Variants in NEFH observed in about 807,000 individuals in gnomAD.
NEFH encodes the protein neurofilament heavy chain, also known as neurofilament heavy polypeptide.
Under a neutral mutation model 56.6 loss-of-function variants are expected in NEFH, and 58 were observed. The ratio of observed to expected loss-of-function variants is 1.03; its 90% CI spans 0.83 to 1.28. The LOEUF (loss-of-function observed/expected upper bound fraction) is 1.28. NEFH is among the 50% of genes most tolerant of loss of function. The pLI is 0.00. For synonymous variants in NEFH, 542 were observed against 545.8 expected (o/e 0.99, Z 0.10); for missense variants, 1,221 against 1,307.6 (o/e 0.93, Z 1.02).
At chr22:29,488,242 T>C (rs956995883) in intron 3 of NEFH, among the ~76,000 whole-genome samples, 7 of 152,270 alleles carry the variant, frequency 4.6e-5, no homozygotes, top group Admixed American at 4.6e-4. Context: ...CGTGCGCCTG[T>C]ACTCCCAGCT....
chr22:29,486,802 C>A (rs537125677), intron 3 of NEFH, among the ~76,000 whole-genome samples: 100 of 152,130 alleles, frequency 6.6e-4, no homozygotes, highest in Admixed American at 1.1e-3. Context: ...GGATTACAGG[C>A]GTGAGCCACT....
At position 29,485,714 on chromosome 22, in the gene NEFH, C is replaced by G; in HGVS notation, c.1084-9C>G. On this transcript the variant is annotated splice_polypyrimidine_tract_variant and intron_variant, in intron 2 of 3. Coordinates refer to ENST00000310624, the MANE Select transcript of NEFH (RefSeq NM_021076.4). Reference sequence around the variant, plus strand: ...CTGGCATGTGATGTGTGTCACCTCTCCTTCCCAGGAAGCCATTCAGCAGCT... The same window carrying G: ...CTGGCATGTGATGTGTGTCACCTCTGCTTCCCAGGAAGCCATTCAGCAGCT... The G allele has an allele frequency of 5.0e-6, 8 of 1,613,528 alleles. No individual in the cohort carries two copies. Among genetic ancestry groups the G allele is most frequent in the East Asian group, 2.2e-5 (1 of 44,868 alleles).
At chr22:29,482,497 C>T (rs990783303) in intron 1 of NEFH, among the ~76,000 whole-genome samples, 1 of 152,226 alleles carries the variant, frequency 6.6e-6, no homozygotes, top group South Asian at 2.1e-4. Context: ...GGGCAATGCT[C>T]AGCTAGGTGG....
Position 29,481,162 on chromosome 22 carries a change from G to T in NEFH, c.883+17G>T, listed in dbSNP as rs373762683. 2.6e-6 allele frequency: 4 copies of T among 1,528,012 alleles called. No homozygotes were observed. The highest frequency in any genetic ancestry group is 1.4e-5 in the African/African-American group (1 of 72,748). 94.7% of individuals were successfully genotyped at this position (1,528,012 alleles called of 1,614,324 possible). ...GGTTCCGAGGTACGCAGGCGCGCGG[G>T]TGGGGGGAGGGGCGCCCCTGCTGAC... is the stretch of plus-strand genomic sequence containing the variant. On this transcript the variant is annotated intron_variant, in intron 1 of 3. Transcript: ENST00000310624.
intron 2 of NEFH, 148 bp downstream of exon 2, chr22:29,483,722 T>A: frequency 1.7e-6 from 1 of 578,200 alleles, no homozygotes; most frequent in Non-Finnish European, 3.0e-6. Flanking sequence ...TGTGTGACCC[T>A]AGGAAAGTTA....
At position 29,489,482 on chromosome 22, in the gene NEFH, A is replaced by C. The variant is rs2063064581; in HGVS notation, c.1842A>C (p.Ser614=). The change falls in exon 4 of 4, where the codon TCA becomes TCC. Residue 614 remains serine (S), a synonymous_variant. Coordinates refer to ENST00000310624, the MANE Select transcript of NEFH (RefSeq NM_021076.4). ...AKSPVKEEAK[S]PAEAKSPVKE... ...CCCCAGTGAAGGAAGAAGCAAAGTC[A>C]CCGGCTGAGGCCAAGTCCCCAGTGA... 6.3e-7 allele frequency: 1 copy of C among 1,589,046 alleles called. No homozygotes were observed. Among genetic ancestry groups the C allele is most frequent in the African/African-American group, 1.4e-5 (1 of 70,868 alleles).
In NEFH at chr22:29,480,411, G is replaced by C. The variant is rs2062996271; in HGVS notation, c.149G>C (p.Trp50Ser). Residue 50 changes from tryptophan to serine, a missense_variant, in exon 1 of 4, where the codon TGG (tryptophan) becomes TCG (serine). Trp to Ser is a radical substitution (Grantham distance 177, BLOSUM62 -3). Coordinates refer to ENST00000310624, the MANE Select transcript of NEFH (RefSeq NM_021076.4). ...GGCTCCTCCAGCGGCTTCCACTCGT[G>C]GACACGGACGTCCGTGAGCTCCGTG... ...AAGSSSGFHSWTRTSVSSVSA... is the reference protein window; with the variant it reads ...AAGSSSGFHSSTRTSVSSVSA... 5.9e-6 allele frequency: 9 copies of C among 1,534,328 alleles called. No individual in the cohort carries two copies. The highest frequency in any genetic ancestry group is 7.0e-6 in the Non-Finnish European group (8 of 1,147,200).
intron 1 of NEFH, among the ~76,000 whole-genome samples, chr22:29,481,524 T>TA (rs1267043423): frequency 6.6e-6 from 1 of 152,128 alleles, no homozygotes; most frequent in Non-Finnish European, 1.5e-5. Flanking sequence ...TGGAGACTCT[T>TA]AGCCCTTCTA....
At position 29,481,030 on chromosome 22, in the gene NEFH, G is replaced by T. The variant is rs1174714350; in HGVS notation, c.768G>T (p.Gln256His). 5.9e-6 allele frequency: 9 copies of T among 1,531,454 alleles called. No individual in the cohort carries two copies. In the East Asian group the frequency reaches 2.2e-4, roughly 38 times the overall value. The allele number at this position is 1,531,454 out of a possible 1,614,324, so 94.9% of individuals were successfully genotyped here. A position where few individuals can be genotyped will look rare whatever the true frequency, so the allele number is the denominator to read the frequency against. The change falls in exon 1 of 4, where the codon CAG becomes CAT. Residue 256 changes from glutamine (Q) to histidine (H), a missense_variant. Physicochemically the swap from Gln to His is conservative, Grantham distance 24. This residue lies in a region of NEFH where 640 missense variants were observed against 555.5 expected (regional missense o/e 1.15). Transcript: ENST00000310624. ...QGSGAAQAQM[Q>H]AETRDALKCD... The stretch of plus-strand genomic sequence containing the variant: ...CCGGCGCCGCGCAGGCGCAGATGCA[G>T]GCCGAGACGCGCGACGCCCTGAAGT...
chr22:29,488,854 T>G lies in NEFH; in HGVS notation c.1214T>G (p.Leu405Arg). The part of the protein sequence containing the change: ...LDIEIAAYRK[L>R]LEGEECRIGF... The stretch of plus-strand genomic sequence containing the variant: ...TTCCGTGATCCATCCTGCAGAAAAC[T>G]CCTGGAAGGTGAAGAGTGTCGGATT... Residue 405 changes from leucine to arginine, a missense_variant, in exon 4 of 4, where the codon CTC becomes CGC. This residue lies in a region of NEFH where 243 missense variants were observed against 299.1 expected (regional missense o/e 0.81). Transcript: ENST00000310624. 1 of 1,614,192 alleles carries G rather than the reference T, an allele frequency of 6.2e-7. No homozygotes were observed. The highest frequency in any genetic ancestry group is 1.1e-5 in the South Asian group (1 of 91,088).
intron 2 of NEFH, among the ~76,000 whole-genome samples, chr22:29,484,999 T>C (rs1341673435): frequency 6.6e-6 from 1 of 152,196 alleles, no homozygotes; most frequent in African/African-American, 2.4e-5. Context: ...CATGCCCAGC[T>C]AATTATTTAA....
At position 29,490,020 on chromosome 22, in the gene NEFH, A is replaced by G; in HGVS notation, c.2380A>G (p.Lys794Glu). ...KAKSPVKEEVKSPEKAKSPLK... is the reference protein window; with the variant it reads ...KAKSPVKEEVESPEKAKSPLK... Reference sequence around the variant, plus strand: ...CAAAAGCCCTGTCAAGGAGGAGGTCAAGTCCCCAGAGAAGGCGAAATCTCC... The same window carrying G: ...CAAAAGCCCTGTCAAGGAGGAGGTCGAGTCCCCAGAGAAGGCGAAATCTCC... The change falls in exon 4 of 4, where the codon AAG (lysine) becomes GAG (glutamate). Residue 794 changes from lysine (K) to glutamate (E), a missense_variant. By Grantham distance (56) the Lys-to-Glu change is moderately conservative. Around this residue, in one of 4 missense-constraint regions of NEFH, gnomAD observed 301 missense variants for 346.6 expected, o/e 0.87. Transcript: ENST00000310624. The G allele has an allele frequency of 1.9e-6, 3 of 1,614,036 alleles. No homozygotes were observed. The highest frequency in any genetic ancestry group is 2.5e-6 in the Non-Finnish European group (3 of 1,179,938).
At position 29,490,079 on chromosome 22, in the gene NEFH, G is replaced by A; in HGVS notation, c.2439G>A (p.Glu813=). The change falls in exon 4 of 4, where the codon GAG becomes GAA. Residue 813 remains glutamate (E), a synonymous_variant. Transcript: ENST00000310624. ...LKEDAKAPEK[E]IPKKEEVKSP... ...AGGATGCCAAGGCCCCTGAGAAGGA[G>A]ATCCCAAAAAAGGAAGAGGTGAAGT... The A allele has an allele frequency of 6.2e-7, 1 of 1,613,482 alleles. No homozygotes were observed. Among genetic ancestry groups the A allele is most frequent in the South Asian group, 1.1e-5 (1 of 91,018 alleles).
Position 29,481,003 on chromosome 22 carries a change from C to T in NEFH, c.741C>T (p.Gly247=). Residue 247 remains glycine (G), a synonymous_variant, in exon 1 of 4, where the codon GGC becomes GGT. Transcript: ENST00000310624. ...EVGELLGQIQ[G]SGAAQAQMQA... is the part of the protein sequence containing the mutation. ...GCGAGCTGCTCGGCCAGATCCAGGG[C>T]TCCGGCGCCGCGCAGGCGCAGATGC... is the stretch of plus-strand genomic sequence containing the variant. 6.5e-7 allele frequency: 1 copy of T among 1,531,850 alleles called. No individual in the cohort carries two copies. Among genetic ancestry groups the T allele is most frequent in the Non-Finnish European group, 8.7e-7 (1 of 1,145,462 alleles). The allele number at this position is 1,531,850 out of a possible 1,614,324, so 94.9% of individuals were successfully genotyped here.
intron 1 of NEFH, among the ~76,000 whole-genome samples, chr22:29,483,071 G>A (rs931221006): frequency 1.2e-4 from 18 of 152,086 alleles, no homozygotes; most frequent in African/African-American, 4.3e-4. Flanking sequence ...ATGAGGTCAG[G>A]AGTTCAAGAC....
intron 2 of NEFH, 88 bp from the exon 3 acceptor site, chr22:29,485,635 T>C: frequency 1.3e-6 from 2 of 1,523,944 alleles, no homozygotes; most frequent in South Asian, 1.2e-5. Flanking sequence ...ATGGGCCTGC[T>C]CTGGGGTCGC....
At chr22:29,488,819 T>C (rs2063058381) in intron 3 of NEFH, 30 bp from the exon 4 acceptor site, 1 of 1,611,908 alleles carries the variant, frequency 6.2e-7, no homozygotes, top group East Asian at 2.2e-5. Context: ...CCTGAGTTTA[T>C]ACTAATGTGT....
rs774469755 is a variant in NEFH at position 29,485,851 on chromosome 22, A to T, written c.1208+4A>T. 7.4e-6 allele frequency: 12 copies of T among 1,614,212 alleles called. No homozygotes were observed. Among genetic ancestry groups the T allele is most frequent in the Non-Finnish European group, 1.0e-5 (12 of 1,180,018 alleles). On this transcript the variant is annotated splice_donor_region_variant and intron_variant, in intron 3 of 3. Coordinates refer to ENST00000310624, the MANE Select transcript of NEFH (RefSeq NM_021076.4). ...ATATAGAGATAGCCGCTTACAGGTG[A>T]GACGCACAGGGGCTGTCACATGGTG...
At position 29,481,024 on chromosome 22, in the gene NEFH, G is replaced by A. The variant is rs780230539; in HGVS notation, c.762G>A (p.Gln254=). Residue 254 remains glutamine (Q), a synonymous_variant, in exon 1 of 4, where the codon CAG becomes CAA. Coordinates refer to ENST00000310624, the MANE Select transcript of NEFH (RefSeq NM_021076.4). Reference sequence around the variant, plus strand: ...AGGGCTCCGGCGCCGCGCAGGCGCAGATGCAGGCCGAGACGCGCGACGCCC... The same window carrying A: ...AGGGCTCCGGCGCCGCGCAGGCGCAAATGCAGGCCGAGACGCGCGACGCCC... ...QIQGSGAAQA[Q]MQAETRDALK... 6.5e-7 allele frequency: 1 copy of A among 1,531,624 alleles called. No individual in the cohort carries two copies. The highest frequency in any genetic ancestry group is 8.7e-7 in the Non-Finnish European group (1 of 1,145,358). 94.9% of individuals were successfully genotyped at this position (1,531,624 alleles called of 1,614,324 possible). A position where few individuals can be genotyped will look rare whatever the true frequency, so the allele number is the denominator to read the frequency against.
Sources: gnomAD v4.1 joint callset for allele counts (sites outside exome capture counted in the v4.1 genomes callset) on GRCh38, gnomAD v4.1.1 for gene constraint, gnomAD v4.1.1 regional missense constraint, MANE v1.5 for transcripts, NCBI Gene and HGNC (gene_info 2026-07-23, HGNC 2026-07-21) for gene names.